Variants in NXPH1 observed in about 807,000 individuals in gnomAD.
NXPH1 encodes the protein neurexophilin 1.
NXPH1 carries 5 observed loss-of-function variants against 23.7 expected under a neutral mutation model. That is an observed-to-expected ratio of 0.21 (90% CI 0.11 to 0.44). The LOEUF (loss-of-function observed/expected upper bound fraction) is 0.44. NXPH1 is among the 20% of genes least tolerant of loss of function. The probability of loss-of-function intolerance (pLI) is 0.99; values close to 1 mark genes in which losing one functional copy is unlikely to be tolerated. For missense variants in NXPH1, 324 were observed against 321.6 expected, an observed-to-expected ratio of 1.01 and a Z score of -0.06; for synonymous variants, 144 against 122.2, an observed-to-expected ratio of 1.18 and a Z score of -1.18.
At chr7:8,464,053 T>C (rs1241625004) in intron 2 of NXPH1, among the ~76,000 whole-genome samples, 2 of 152,166 alleles carry the variant, frequency 1.3e-5, no homozygotes, top group Non-Finnish European at 2.9e-5. Flanking sequence ...TCTACCTTAG[T>C]GGCTCTTAAG....
chr7:8,626,967 T>C (rs1472431875), intron 2 of NXPH1, among the ~76,000 whole-genome samples: 1 of 152,136 alleles, frequency 6.6e-6, no homozygotes, highest in Non-Finnish European at 1.5e-5. Flanking sequence ...ACAAAGAGCC[T>C]CTCTGGGTGT....
At chr7:8,604,611 A>C (rs1296038838) in intron 2 of NXPH1, among the ~76,000 whole-genome samples, 1 of 152,122 alleles carries the variant, frequency 6.6e-6, no homozygotes, top group East Asian at 1.9e-4. Flanking sequence ...TCATGGTTAT[A>C]TGTTTTTCAT....
At chr7:8,719,747 C>T (rs191379370) in intron 2 of NXPH1, among the ~76,000 whole-genome samples, 255 of 151,972 alleles carry the variant, frequency 1.7e-3, no homozygotes, top group African/African-American at 4.6e-3. Flanking sequence ...CAATGTTTTC[C>T]GACGTGAATT....
chr7:8,495,794 G>T (rs974145918), intron 2 of NXPH1, among the ~76,000 whole-genome samples: 3 of 151,994 alleles, frequency 2.0e-5, no homozygotes, highest in African/African-American at 7.2e-5. Context: ...TAGAGGACTG[G>T]GGCTTACACA....
At chr7:8,448,751 G>A (rs1046162086) in intron 2 of NXPH1, among the ~76,000 whole-genome samples, 3 of 150,760 alleles carry the variant, frequency 2.0e-5, no homozygotes, top group Non-Finnish European at 4.4e-5. Context: ...GGAGGGGGAG[G>A]TTGCCATGAG....
intron 2 of NXPH1, among the ~76,000 whole-genome samples, chr7:8,570,268 G>T (rs930390643): frequency 6.6e-6 from 1 of 151,932 alleles, no homozygotes; most frequent in African/African-American, 2.4e-5. Flanking sequence ...AGTGAGATAT[G>T]ATAATGGAGG....
intron 2 of NXPH1, among the ~76,000 whole-genome samples, chr7:8,650,949 A>G (rs919279202): frequency 6.6e-6 from 1 of 152,160 alleles, no homozygotes; most frequent in Admixed American, 6.6e-5. Flanking sequence ...ATGGGATTTC[A>G]TTTGAGACAT....
chr7:8,457,370 T>C (rs944479741), intron 2 of NXPH1, among the ~76,000 whole-genome samples: 1 of 152,112 alleles, frequency 6.6e-6, no homozygotes, highest in Non-Finnish European at 1.5e-5. Flanking sequence ...TGGGTCAGGA[T>C]TGGTACACCG....
chr7:8,464,056 C>A (rs894618395), intron 2 of NXPH1, among the ~76,000 whole-genome samples: 10 of 152,238 alleles, frequency 6.6e-5, no homozygotes, highest in Admixed American at 3.9e-4. Flanking sequence ...ACCTTAGTGG[C>A]TCTTAAGTGC....
At chr7:8,708,807 C>T (rs1435226753) in intron 2 of NXPH1, among the ~76,000 whole-genome samples, 1 of 152,128 alleles carries the variant, frequency 6.6e-6, no homozygotes, top group Non-Finnish European at 1.5e-5. Context: ...TTAGCAAGAA[C>T]ATCCTTGATA....
chr7:8,526,917 C>T (rs959250031), intron 2 of NXPH1, among the ~76,000 whole-genome samples: 14 of 152,286 alleles, frequency 9.2e-5, no homozygotes, highest in African/African-American at 3.4e-4. Context: ...GCATAAACTT[C>T]TGTTTCTTGG....
rs143178643 is a variant in NXPH1, at chr7:8,615,220, G to A, written c.55-135788G>A. 5.7e-4 allele frequency among the ~76,000 whole-genome samples: 86 copies of A among 152,106 alleles called. 1 individual carries two copies. The East Asian group carries it at 0.013, about 24-fold the overall frequency. On this transcript the variant is annotated intron_variant, in intron 2 of 2. Transcript: ENST00000405863. ...AATGGGTTTTCAGGAATGGGATTGC[G>A]GGAGCTAAATCTTTAATAAAATTGT...
intron 2 of NXPH1, among the ~76,000 whole-genome samples, chr7:8,692,728 C>T (rs763342615): frequency 1.7e-4 from 26 of 152,226 alleles, no homozygotes; most frequent in Non-Finnish European, 3.5e-4. Context: ...CCTTTGTGTA[C>T]ACAATTGTAA....
intron 2 of NXPH1, among the ~76,000 whole-genome samples, chr7:8,582,948 C>T (rs566107495): frequency 5.3e-5 from 8 of 152,302 alleles, no homozygotes; most frequent in African/African-American, 1.7e-4. Context: ...CACGCCAAGC[C>T]ACCCTCAGCA....
At chr7:8,478,594 A>G (rs1470823236) in intron 2 of NXPH1, among the ~76,000 whole-genome samples, 3 of 152,090 alleles carry the variant, frequency 2.0e-5, no homozygotes, top group Non-Finnish European at 2.9e-5. Flanking sequence ...TTCTAAAACC[A>G]TAATTCAAGA....
At chr7:8,441,756 A>AGC (rs1014843929) in intron 2 of NXPH1, among the ~76,000 whole-genome samples, 1 of 152,100 alleles carries the variant, frequency 6.6e-6, no homozygotes, top group African/African-American at 2.4e-5. Flanking sequence ...CGCGCCCAAG[A>AGC]GCGCGTTTGC....
At chr7:8,459,298 G>A (rs1816652216) in intron 2 of NXPH1, among the ~76,000 whole-genome samples, 1 of 151,942 alleles carries the variant, frequency 6.6e-6, no homozygotes, top group Admixed American at 6.6e-5. Context: ...GACTTCACTG[G>A]ATTTTACAAA....
intron 2 of NXPH1, among the ~76,000 whole-genome samples, chr7:8,598,607 G>C (rs1819282401): frequency 6.6e-6 from 1 of 152,146 alleles, no homozygotes; most frequent in African/African-American, 2.4e-5. Flanking sequence ...CAAGGGGGTA[G>C]GGGAAAAGAA....
intron 2 of NXPH1, among the ~76,000 whole-genome samples, chr7:8,555,095 G>A (rs1818335932): frequency 6.6e-6 from 1 of 151,610 alleles, no homozygotes; most frequent in Non-Finnish European, 1.5e-5. Flanking sequence ...AAAAGGCATT[G>A]AATGAAAGGA....
Sources: allele counts gnomAD v4.1 joint callset (sites outside exome capture counted in the v4.1 genomes callset), GRCh38; gene constraint gnomAD v4.1.1; transcripts MANE v1.5; gene names NCBI Gene and HGNC (gene_info 2026-07-23, HGNC 2026-07-21).